SPEG: variants seen among roughly 807,000 people sequenced by gnomAD.
SPEG encodes striated muscle preferentially expressed protein kinase.
Under a neutral mutation model 300.4 loss-of-function variants are expected in SPEG, and 114 were observed. The ratio of observed to expected loss-of-function variants is 0.38; its 90% CI spans 0.33 to 0.44. SPEG has a LOEUF of 0.44. Among genes scored for constraint, SPEG ranks in the 20% least tolerant of loss-of-function variants. The probability of loss-of-function intolerance (pLI) is 1.00; values close to 1 mark genes in which losing one functional copy is unlikely to be tolerated. For synonymous variants in SPEG, 1,964 were observed against 2,018.9 expected (o/e 0.97, Z 0.73); for missense variants, 4,201 against 4,586.2 (o/e 0.92, Z 2.43).
At chr2:219,488,690 G>T (rs763805249) in intron 33 of SPEG, 25 bp downstream of exon 33, 3 of 1,604,056 alleles carry the variant, frequency 1.9e-6, no homozygotes, top group East Asian at 2.2e-5. Context: ...GGGCCCCAGG[G>T]GGGTAGTGAT....
At chr2:219,478,184 T>G in intron 22 of SPEG, 79 bp downstream of exon 22, 1 of 1,256,360 alleles carries the variant, frequency 8.0e-7, no homozygotes, top group Non-Finnish European at 1.1e-6. Flanking sequence ...GGCAACATGT[T>G]TTACAGTTTA....
At position 219,477,887 on chromosome 2, in the gene SPEG, C is replaced by A; in HGVS notation, c.4827-18C>A. Reference sequence around the variant, plus strand: ...CACAGTGATGGCTGATCTCTGACCCCCTCCCTGTGTCAACCAGGGGTGCTT... The same window carrying A: ...CACAGTGATGGCTGATCTCTGACCCACTCCCTGTGTCAACCAGGGGTGCTT... On this transcript the variant is annotated intron_variant, in intron 21 of 40. Coordinates refer to ENST00000312358, the MANE Select transcript of SPEG (RefSeq NM_005876.5). The surrounding 1 kb of genome is among the most constrained non-coding windows in gnomAD (Gnocchi z 6.4). 1 of 1,612,588 alleles carries A rather than the reference C, an allele frequency of 6.2e-7. No homozygotes were observed. The highest frequency in any genetic ancestry group is 1.1e-5 in the South Asian group (1 of 91,028).
At position 219,476,997 on chromosome 2, in the gene SPEG, C is replaced by G; in HGVS notation, c.4560+15C>G. On this transcript the variant is annotated intron_variant, in intron 19 of 40. Coordinates refer to ENST00000312358, the MANE Select transcript of SPEG (RefSeq NM_005876.5). Reference sequence around the variant, plus strand: ...TGTGGTACAAGGTCAGAGTGTGCTGCTGGCTGAGCCTGGGGGAGGGAGGAG... The same window carrying G: ...TGTGGTACAAGGTCAGAGTGTGCTGGTGGCTGAGCCTGGGGGAGGGAGGAG... 6.3e-7 allele frequency: 1 copy of G among 1,577,266 alleles called. No homozygotes were observed. Among genetic ancestry groups the G allele is most frequent in the Non-Finnish European group, 8.6e-7 (1 of 1,156,088 alleles).
chr2:219,480,213 G>T lies in SPEG; in HGVS notation c.5342+73G>T. The stretch of plus-strand genomic sequence containing the variant: ...GGCTGTGCTGGGGACGCGCTCACTG[G>T]CAGGGAGATTTACCGAGCCTGAATT... On this transcript the variant is annotated intron_variant, in intron 25 of 40. Coordinates refer to ENST00000312358, the MANE Select transcript of SPEG (RefSeq NM_005876.5). This position sits in a 1 kb window ranked among gnomAD's most constrained non-coding sequence, Gnocchi z 5.3. 2 of 1,509,068 alleles carry T rather than the reference G, an allele frequency of 1.3e-6. No individual in the cohort carries two copies. The highest frequency in any genetic ancestry group is 3.5e-4 in the Middle Eastern group (2 of 5,720). 93.5% of individuals were successfully genotyped at this position (1,509,068 alleles called of 1,614,324 possible).
chr2:219,485,620 C>T (rs538889437), intron 31 of SPEG, 143 bp downstream of exon 31: 2 of 730,126 alleles, frequency 2.7e-6, no homozygotes, highest in South Asian at 5.0e-5. Flanking sequence ...ATAACAATAG[C>T]AGTAGCTGAC....
In SPEG at chr2:219,472,236, C is replaced by G; in HGVS notation, c.3845C>G (p.Pro1282Arg). The G allele has an allele frequency of 1.9e-6, 3 of 1,613,752 alleles. No homozygotes were observed. The highest frequency in any genetic ancestry group is 8.5e-7 in the Non-Finnish European group (1 of 1,179,986). The change falls in exon 15 of 41, where the codon CCA (proline) becomes CGA (arginine). Residue 1282 changes from proline (P) to arginine (R), a missense_variant. This residue lies in a region of SPEG where 1,047 missense variants were observed against 1,356.8 expected (regional missense o/e 0.77). Transcript: ENST00000312358. ...YAHLYVTDVV[P>R]GPPDGAPQVV... is the part of the protein sequence containing the mutation. ...GAACTGCGGCTTTCAGATGTGGTCC[C>G]AGGCCCTCCAGATGGCGCCCCGCAG...
intron 15 of SPEG, 50 bp downstream of exon 15, chr2:219,472,381 G>A (rs1305754453): frequency 3.4e-6 from 5 of 1,486,892 alleles, no homozygotes; most frequent in Admixed American, 3.4e-5. Context: ...TGTGGAGAAG[G>A]CAGGCTCAGG....
At chr2:219,449,938 T>C (rs1005768607) in intron 4 of SPEG, among the ~76,000 whole-genome samples, 1 of 152,020 alleles carries the variant, frequency 6.6e-6, no homozygotes, top group African/African-American at 2.4e-5. Context: ...GGAGAATGGC[T>C]CTGCACCCCA....
chr2:219,456,384 G>C (rs896894126), intron 6 of SPEG, among the ~76,000 whole-genome samples: 2 of 152,312 alleles, frequency 1.3e-5, no homozygotes, highest in Middle Eastern at 6.8e-3. Flanking sequence ...TCCTCGATGG[G>C]GGTTTGGACA....
intron 1 of SPEG, among the ~76,000 whole-genome samples, chr2:219,442,939 T>C (rs1407551570): frequency 6.6e-6 from 1 of 152,002 alleles, no homozygotes; most frequent in Non-Finnish European, 1.5e-5. Flanking sequence ...AGGGGAGTCA[T>C]TCCCTACAGG....
Position 219,480,042 on chromosome 2 carries a change from G to A in SPEG, c.5244G>A (p.Leu1748=). 6.2e-7 allele frequency: 1 copy of A among 1,614,120 alleles called. No individual in the cohort carries two copies. The highest frequency in any genetic ancestry group is 8.5e-7 in the Non-Finnish European group (1 of 1,180,028). Residue 1748 remains leucine (L), a synonymous_variant, in exon 25 of 41, where the codon CTG becomes CTA. Coordinates refer to ENST00000312358, the MANE Select transcript of SPEG (RefSeq NM_005876.5). This position sits in a 1 kb window ranked among gnomAD's most constrained non-coding sequence, Gnocchi z 5.3. ...GTGACTTTGGGAATGCCCAGGAGCT[G>A]ACTCCAGGAGAGCCCCAGTACTGCC... ...RICDFGNAQE[L]TPGEPQYCQY...
rs1693238538 is a variant in SPEG at position 219,484,885 on chromosome 2, C to A, written c.7422C>A (p.Ser2474Arg). 2.2e-5 allele frequency: 33 copies of A among 1,525,396 alleles called. No individual in the cohort carries two copies. The highest frequency in any genetic ancestry group is 2.8e-5 in the Non-Finnish European group (32 of 1,143,704). The allele number at this position is 1,525,396 out of a possible 1,614,324, so 94.5% of individuals were successfully genotyped here. ...GCCGATTGCAGCGCAGTGGCAGCAG[C>A]GAGGACTCGGGGGGCGCGTCGGGCC... ...LSSRLQRSGS[S>R]EDSGGASGRS... Residue 2474 changes from serine to arginine, a missense_variant, in exon 30 of 41, where the codon AGC (serine) becomes AGA (arginine). Physicochemically the swap from Ser to Arg is moderately radical, Grantham distance 110. Transcript: ENST00000312358.
Position 219,483,336 on chromosome 2 carries a change from A to T in SPEG, c.5873A>T (p.Glu1958Val). ...VSLTDIPTED[E>V]ALGTPETGAA... ...CTCACAGACATTCCCACTGAGGATG[A>T]GGCCCTGGGGACCCCAGAGACTGGG... The change falls in exon 30 of 41, where the codon GAG (glutamate) becomes GTG (valine). Residue 1958 changes from glutamate (E) to valine (V), a missense_variant. Coordinates refer to ENST00000312358, the MANE Select transcript of SPEG (RefSeq NM_005876.5). 6.2e-7 allele frequency: 1 copy of T among 1,606,018 alleles called. No homozygotes were observed. The highest frequency in any genetic ancestry group is 8.5e-7 in the Non-Finnish European group (1 of 1,176,624).
At position 219,464,627 on chromosome 2, in the gene SPEG, C is replaced by T; in HGVS notation, c.2881+19C>T. On this transcript the variant is annotated intron_variant, in intron 9 of 40. Coordinates refer to ENST00000312358, the MANE Select transcript of SPEG (RefSeq NM_005876.5). The surrounding 1 kb of genome is among the most constrained non-coding windows in gnomAD (Gnocchi z 4.5). ...GTCCGAGGTGAGTACCTGATTTCTC[C>T]ATGAATGCCCACCTGGCCCTGGCCC... 2 of 1,609,550 alleles carry T rather than the reference C, an allele frequency of 1.2e-6. No individual in the cohort carries two copies. The highest frequency in any genetic ancestry group is 1.7e-6 in the Non-Finnish European group (2 of 1,176,306).
chr2:219,449,387 C>T (rs1689569924), intron 4 of SPEG, 116 bp downstream of exon 4: 1 of 799,350 alleles, frequency 1.3e-6, no homozygotes, highest in Non-Finnish European at 1.7e-6. Flanking sequence ...GGGCTGCTAG[C>T]CAGCTGCAAG....
In SPEG at chr2:219,483,191, A is replaced by G; in HGVS notation, c.5728A>G (p.Arg1910Gly). 6.2e-7 allele frequency: 1 copy of G among 1,610,098 alleles called. No homozygotes were observed. Among genetic ancestry groups the G allele is most frequent in the South Asian group, 1.1e-5 (1 of 90,716 alleles). ...PPERVWVTMP[R>G]RPPPSGGLSS... ...AGAGCGGGTGTGGGTGACCATGCCCAGAAGGCCACCCCCCAGTGGGGGGCT... is the reference window on the plus strand; with the variant it reads ...AGAGCGGGTGTGGGTGACCATGCCCGGAAGGCCACCCCCCAGTGGGGGGCT... The change falls in exon 30 of 41, where the codon AGA becomes GGA. Residue 1910 changes from arginine (R) to glycine (G), a missense_variant. Physicochemically the swap from Arg to Gly is moderately radical, Grantham distance 125 (BLOSUM62 -2). Transcript: ENST00000312358.
Position 219,484,231 on chromosome 2 carries a change from C to T in SPEG, c.6768C>T (p.Gly2256=), listed in dbSNP as rs748775772. The T allele has an allele frequency of 9.3e-6, 15 of 1,611,886 alleles. No individual in the cohort carries two copies. The highest frequency in any genetic ancestry group is 1.3e-5 in the African/African-American group (1 of 74,872). The part of the protein sequence containing the change: ...AQIIQSLQLS[G]HAQGPSQGPA... Reference sequence around the variant, plus strand: ...TCATTCAGTCCCTCCAGCTGTCAGGCCACGCCCAGGGCCCCTCGCAGGGCC... The same window carrying T: ...TCATTCAGTCCCTCCAGCTGTCAGGTCACGCCCAGGGCCCCTCGCAGGGCC... The change falls in exon 30 of 41, where the codon GGC becomes GGT. Residue 2256 remains glycine (G), a synonymous_variant. Coordinates refer to ENST00000312358, the MANE Select transcript of SPEG (RefSeq NM_005876.5).
rs1416534403 is a variant in SPEG, at chr2:219,448,347, G to C, written c.1189G>C (p.Gly397Arg). Residue 397 changes from glycine (G) to arginine (R), a missense_variant, in exon 4 of 41, where the codon GGC (glycine) becomes CGC (arginine). This residue lies in a region of SPEG where 1,258 missense variants were observed against 1,293.9 expected (regional missense o/e 0.97). Transcript: ENST00000312358. The part of the protein sequence containing the change: ...LGRSPRLVRA[G>R]SRILDKLQFF... ...CCGATCGCCTAGGCTGGTGCGCGCC[G>C]GCTCCCGCATCCTGGACAAGCTGCA... 5 of 1,589,782 alleles carry C rather than the reference G, an allele frequency of 3.1e-6. No individual in the cohort carries two copies. The highest frequency in any genetic ancestry group is 2.3e-5 in the South Asian group (2 of 88,476).
At chr2:219,441,943 G>A in intron 1 of SPEG, 1 of 267,660 alleles carries the variant, frequency 3.7e-6, no homozygotes, top group Non-Finnish European at 6.8e-6. Flanking sequence ...CGCCACCCGC[G>A]CCGGCTCCCG....
Sources: gnomAD v4.1 joint callset for allele counts (sites outside exome capture counted in the v4.1 genomes callset) on GRCh38, gnomAD v4.1.1 for gene constraint, gnomAD v4.1.1 regional missense constraint, Gnocchi (gnomAD v3.1) non-coding constraint, MANE v1.5 for transcripts, NCBI Gene and HGNC (gene_info 2026-07-23, HGNC 2026-07-21) for gene names.